Variants in SNTG1 observed in about 807,000 individuals in gnomAD.
SNTG1 encodes syntrophin gamma 1.
A neutral mutation model predicts 74.7 loss-of-function variants in SNTG1; 39 were observed. The observed-to-expected ratio is 0.52, with a 90% CI of 0.40 to 0.68. SNTG1 has a LOEUF of 0.68. Among genes scored for constraint, SNTG1 ranks in the 30% least tolerant of loss-of-function variants. The pLI is 0.00. For missense variants in SNTG1, 685 were observed against 609.5 expected (o/e 1.12, Z -1.30); for synonymous variants, 254 against 217.1 (o/e 1.17, Z -1.49).
At chr8:50,626,306 T>C (rs2094955810) in intron 13 of SNTG1, among the ~76,000 whole-genome samples, 1 of 152,124 alleles carries the variant, frequency 6.6e-6, no homozygotes, top group Non-Finnish European at 1.5e-5. Context: ...AAGGCAGAAG[T>C]GCAAGTGGAG....
intron 9 of SNTG1, among the ~76,000 whole-genome samples, chr8:50,521,253 C>T (rs2094177124): frequency 2.0e-5 from 3 of 151,992 alleles, no homozygotes; most frequent in Non-Finnish European, 4.4e-5. Context: ...GAACATCACA[C>T]ACCAAGGCCT....
At chr8:50,673,447 G>A (rs2095294804) in intron 15 of SNTG1, among the ~76,000 whole-genome samples, 1 of 152,094 alleles carries the variant, frequency 6.6e-6, no homozygotes, top group Non-Finnish European at 1.5e-5. Flanking sequence ...CATTGTGAAT[G>A]GGAGTTCATT....
At chr8:50,127,570 C>A (rs2081187803) in intron 1 of SNTG1, among the ~76,000 whole-genome samples, 1 of 152,098 alleles carries the variant, frequency 6.6e-6, no homozygotes, top group Non-Finnish European at 1.5e-5. Context: ...CAAGGCCTGG[C>A]AATTTTCCTG....
rs987612298 is a variant in SNTG1, at chr8:49,930,366, G to A, written c.-103+18135G>A. The stretch of plus-strand genomic sequence containing the variant: ...AATTAGCACTATTAATAGATTGTGA[G>A]AATCATACTATAACCTCAATATATA... On this transcript the variant is annotated intron_variant, in intron 1 of 18. Coordinates refer to ENST00000642720, the MANE Select transcript of SNTG1 (RefSeq NM_018967.5). 2.6e-5 allele frequency among the ~76,000 whole-genome samples: 4 copies of A among 152,044 alleles called. No individual in the cohort carries two copies. The East Asian group carries it at 5.8e-4, about 22-fold the overall frequency.
intron 2 of SNTG1, among the ~76,000 whole-genome samples, chr8:50,334,081 G>A (rs143306241): frequency 0.049 from 7,518 of 152,286 alleles, 248 homozygotes; most frequent in Non-Finnish European, 0.071. Context: ...ATTTTTAGTA[G>A]AGATGGGGTT....
intron 18 of SNTG1, among the ~76,000 whole-genome samples, chr8:50,761,620 T>G (rs1375127046): frequency 1.3e-5 from 2 of 150,750 alleles, no homozygotes; most frequent in African/African-American, 4.9e-5. Flanking sequence ...TTTTTCATGA[T>G]CTGTGGTTTT....
In SNTG1 at chr8:50,122,343, T is replaced by C. The variant is rs77589488; in HGVS notation, c.-102-50218T>C. On this transcript the variant is annotated intron_variant, in intron 1 of 18. Coordinates refer to ENST00000642720, the MANE Select transcript of SNTG1 (RefSeq NM_018967.5). Reference sequence around the variant, plus strand: ...TTTTCTTATGCACTTGGAGAGGGGATGCAGCTGGGAGAAGTAGTGAAAGTG... The same window carrying C: ...TTTTCTTATGCACTTGGAGAGGGGACGCAGCTGGGAGAAGTAGTGAAAGTG... Among the ~76,000 whole-genome samples the C allele has an allele frequency of 1.4e-5, 2 of 141,288 alleles. 1 individual carries two copies. Among genetic ancestry groups the C allele is most frequent in the Admixed American group, 1.5e-4 (2 of 13,656 alleles). 92.7% of individuals were successfully genotyped at this position (141,288 alleles called of 152,430 possible).
chr8:50,063,367 G>C (rs1448643632), intron 1 of SNTG1, among the ~76,000 whole-genome samples: 1 of 152,314 alleles, frequency 6.6e-6, no homozygotes, highest in African/African-American at 2.4e-5. Context: ...TTACTGTCAT[G>C]TATCTTCTAT....
In SNTG1 at chr8:50,697,471, G is replaced by A. The variant is rs142152307; in HGVS notation, c.1039-7129G>A. Among the ~76,000 whole-genome samples, 33 of 152,218 alleles carry A rather than the reference G, an allele frequency of 2.2e-4. No individual in the cohort carries two copies. The East Asian group carries it at 6.2e-3, about 28-fold the overall frequency. ...AGTACTTTATTACTATGTTAAATAG[G>A]AGTGGTAAGAGTGGACAACCTTCTC... On this transcript the variant is annotated intron_variant, in intron 15 of 18. Coordinates refer to ENST00000642720, the MANE Select transcript of SNTG1 (RefSeq NM_018967.5).
At chr8:50,322,197 C>T (rs2090559426) in intron 2 of SNTG1, among the ~76,000 whole-genome samples, 1 of 151,938 alleles carries the variant, frequency 6.6e-6, no homozygotes, top group African/African-American at 2.4e-5. Context: ...TTGATAAAAT[C>T]CCTCAGGTTT....
chr8:50,439,169 C>CT (rs1204664392), intron 5 of SNTG1, among the ~76,000 whole-genome samples: 1 of 151,838 alleles, frequency 6.6e-6, no homozygotes, highest in Admixed American at 6.6e-5. Flanking sequence ...ATATTATTGA[C>CT]TATTAGAGAT....
intron 2 of SNTG1, among the ~76,000 whole-genome samples, chr8:50,343,033 C>G (rs991166286): frequency 3.9e-5 from 6 of 152,144 alleles, no homozygotes; most frequent in African/African-American, 1.4e-4. Flanking sequence ...AAATTGGGAT[C>G]AAAACCAGAA....
At chr8:49,962,614 A>G (rs891520617) in intron 1 of SNTG1, among the ~76,000 whole-genome samples, 1 of 151,904 alleles carries the variant, frequency 6.6e-6, no homozygotes, top group African/African-American at 2.4e-5. Context: ...GGATGCAATG[A>G]GATAATGGCC....
intron 4 of SNTG1, among the ~76,000 whole-genome samples, chr8:50,417,696 C>T (rs1169418530): frequency 3.3e-5 from 5 of 152,128 alleles, no homozygotes; most frequent in African/African-American, 1.2e-4. Flanking sequence ...AATAACATCT[C>T]TCCCATTCTC....
intron 1 of SNTG1, among the ~76,000 whole-genome samples, chr8:49,944,264 T>C (rs1808955654): frequency 6.6e-6 from 1 of 152,076 alleles, no homozygotes; most frequent in South Asian, 2.1e-4. Flanking sequence ...TTTGACTTTA[T>C]AGAGCTCTGT....
chr8:50,534,987 T>C (rs1354530262), intron 10 of SNTG1, among the ~76,000 whole-genome samples: 1 of 152,128 alleles, frequency 6.6e-6, no homozygotes, highest in Non-Finnish European at 1.5e-5. Context: ...TTATTTCAGC[T>C]TATTATTATT....
intron 9 of SNTG1, among the ~76,000 whole-genome samples, chr8:50,521,059 T>C (rs1373260483): frequency 6.6e-6 from 1 of 152,204 alleles, no homozygotes; most frequent in East Asian, 1.9e-4. Flanking sequence ...AAAGAAAATG[T>C]GGCACATATA....
intron 2 of SNTG1, among the ~76,000 whole-genome samples, chr8:50,177,237 G>C (rs545014414): frequency 6.6e-6 from 1 of 152,308 alleles, no homozygotes; most frequent in South Asian, 2.1e-4. Flanking sequence ...ATGGTGGAGA[G>C]AGGTAGTGTC....
intron 2 of SNTG1, among the ~76,000 whole-genome samples, chr8:50,324,849 T>C (rs771218506): frequency 3.3e-5 from 5 of 151,292 alleles, no homozygotes; most frequent in Non-Finnish European, 5.9e-5. Flanking sequence ...TAGATTGTCT[T>C]CTGTTATTCC....
Sources: gnomAD v4.1 joint callset for allele counts (sites outside exome capture counted in the v4.1 genomes callset) on GRCh38, gnomAD v4.1.1 for gene constraint, MANE v1.5 for transcripts, NCBI Gene and HGNC (gene_info 2026-07-23, HGNC 2026-07-21) for gene names.